The following NCAPD3 variants were observed in gnomAD, a reference collection of about 807,000 sequenced individuals.
NCAPD3 encodes the protein condensin-2 complex subunit D3.
Under a neutral mutation model 182.9 loss-of-function variants are expected in NCAPD3, and 105 were observed. The ratio of observed to expected loss-of-function variants is 0.57; its 90% confidence interval spans 0.49 to 0.68. The LOEUF (loss-of-function observed/expected upper bound fraction) is 0.68, where lower values mean the gene tolerates loss of function less well. Among genes scored for constraint, NCAPD3 ranks in the 30% least tolerant of loss-of-function variants. NCAPD3 has a pLI of 0.00. For synonymous variants in NCAPD3, 815 were observed against 679.9 expected, an observed-to-expected ratio of 1.20 and a Z score of -3.09; for missense variants, 1,944 against 1,837.0, an observed-to-expected ratio of 1.06 and a Z score of -1.07.
chr11:134,190,621 G>T (rs1944504002), intron 16 of NCAPD3, among the ~76,000 whole-genome samples: 1 of 152,142 alleles, frequency 6.6e-6, no homozygotes, highest in African/African-American at 2.4e-5. Context: ...CAAGTAGCTG[G>T]GACTACAGGC....
At chr11:134,190,178 A>G (rs1944493845) in intron 16 of NCAPD3, among the ~76,000 whole-genome samples, 1 of 152,180 alleles carries the variant, frequency 6.6e-6, no homozygotes, top group Non-Finnish European at 1.5e-5. Context: ...CTGGCTCAGA[A>G]GTTACATACG....
intron 31 of NCAPD3, 37 bp downstream of exon 31, chr11:134,157,891 A>G: frequency 6.3e-7 from 1 of 1,578,470 alleles, no homozygotes; most frequent in South Asian, 1.1e-5. Flanking sequence ...TCATCTGTAA[A>G]TGCTCTACTG....
In NCAPD3 at chr11:134,152,744, T is replaced by C; in HGVS notation, c.*200A>G. 1 of 471,884 alleles carries C rather than the reference T, an allele frequency of 2.1e-6. No homozygotes were observed. Among genetic ancestry groups the C allele is most frequent in the Non-Finnish European group, 3.7e-6 (1 of 269,632 alleles). The allele number at this position is 471,884 out of a possible 1,614,324, so 29.2% of individuals were successfully genotyped here. ...TAAGAAAATCTAAATCTGGCACATC[T>C]CTATTATTTGACAGTGTTTAACCAA... On this transcript the variant is annotated 3_prime_UTR_variant, in exon 35 of 35. Transcript: ENST00000534548.
intron 27 of NCAPD3, among the ~76,000 whole-genome samples, chr11:134,162,825 G>A (rs1362766769): frequency 1.3e-5 from 2 of 152,218 alleles, no homozygotes; most frequent in African/African-American, 4.8e-5. Flanking sequence ...AAGCATCCCT[G>A]CCCTCCAGCC....
At position 134,168,004 on chromosome 11, in the gene NCAPD3, T is replaced by G. The variant is rs1331622687; in HGVS notation, c.3565A>C (p.Ile1189Leu). ...VVMQEAQKKL[I>L]SQVQKRNFIE... ...GGGAGCAACACACTCACTTGTGAGATGAGCTTCTTCTGAGCTTCCTGCATG... is the reference window on the plus strand; with the variant it reads ...GGGAGCAACACACTCACTTGTGAGAGGAGCTTCTTCTGAGCTTCCTGCATG... The change falls in exon 27 of 35, where the codon ATC (isoleucine) becomes CTC (leucine). Residue 1189 changes from isoleucine (I) to leucine (L), a missense_variant. This residue lies in a region of NCAPD3 where 1,803 missense variants were observed against 1,674.6 expected (regional missense o/e 1.08). Coordinates refer to ENST00000534548, the MANE Select transcript of NCAPD3 (RefSeq NM_015261.3). 3 of 1,613,806 alleles carry G rather than the reference T, an allele frequency of 1.9e-6. No homozygotes were observed. Among genetic ancestry groups the G allele is most frequent in the East Asian group, 2.2e-5 (1 of 44,888 alleles).
At chr11:134,213,528 G>C (rs1937916351) in intron 3 of NCAPD3, among the ~76,000 whole-genome samples, 1 of 151,738 alleles carries the variant, frequency 6.6e-6, no homozygotes, top group Non-Finnish European at 1.5e-5. Context: ...ATGTTGGCCA[G>C]GCTGGTCTTA....
At chr11:134,161,297 GCTC>G (rs1399799889) in intron 28 of NCAPD3, among the ~76,000 whole-genome samples, 3 of 152,202 alleles carry the variant, frequency 2.0e-5, no homozygotes, top group South Asian at 4.1e-4. Context: ...CTCCGACTGA[GCTC>G]CTCATGGTCC....
Position 134,168,766 on chromosome 11 carries a change from G to T in NCAPD3, c.3239+151C>A, listed in dbSNP as rs964995283. Reference sequence around the variant, plus strand: ...GCTGCCCTTAGGAAGCGATTCTCACGACTGTATTTTCTTACGCCATCCTGC... The same window carrying T: ...GCTGCCCTTAGGAAGCGATTCTCACTACTGTATTTTCTTACGCCATCCTGC... On this transcript the variant is annotated intron_variant, in intron 25 of 34. Transcript: ENST00000534548. 29 of 1,348,894 alleles carry T rather than the reference G, an allele frequency of 2.1e-5. No homozygotes were observed. The East Asian group carries it at 5.4e-4, about 25-fold the overall frequency. 83.6% of individuals were successfully genotyped at this position (1,348,894 alleles called of 1,614,324 possible).
Position 134,202,823 on chromosome 11 carries a change from T to A in NCAPD3, c.1608A>T (p.Gly536=), listed in dbSNP as rs377269714. Residue 536 remains glycine, a synonymous_variant, in exon 13 of 35, where the codon GGA becomes GGT. Coordinates refer to ENST00000534548, the MANE Select transcript of NCAPD3 (RefSeq NM_015261.3). Reference sequence around the variant, plus strand: ...TGATAAAATCTGACATACCTCCAGATCCAACTGTTTCACCACTGCTGTCTA... The same window carrying A: ...TGATAAAATCTGACATACCTCCAGAACCAACTGTTTCACCACTGCTGTCTA... The part of the protein sequence containing the change: ...INIDSSGETV[G]SGERCVMAML... 4 of 1,603,248 alleles carry A rather than the reference T, an allele frequency of 2.5e-6. No homozygotes were observed. In the African/African-American group the frequency reaches 5.4e-5, roughly 22 times the overall value.
chr11:134,153,045 G>A lies in NCAPD3; in HGVS notation c.4396C>T (p.Gln1466Ter). Residue 1466 changes from glutamine (Q) to a stop codon, truncating the protein, a stop_gained, in exon 35 of 35, where the codon CAG (glutamine) becomes TAG (stop). Coordinates refer to ENST00000534548, the MANE Select transcript of NCAPD3 (RefSeq NM_015261.3). LOFTEE classifies it low-confidence loss of function (END_TRUNC). ...CLSLPDKPPP[Q>*]PQQWNVRSPA... ...GACCGCACATTCCACTGCTGAGGCT[G>A]TGGGGGCCTAGGGAAAGGACATGTG... 6.2e-7 allele frequency: 1 copy of A among 1,603,688 alleles called. No individual in the cohort carries two copies.
At chr11:134,180,209 G>A (rs576495262) in intron 20 of NCAPD3, among the ~76,000 whole-genome samples, 2 of 152,182 alleles carry the variant, frequency 1.3e-5, no homozygotes, top group East Asian at 1.9e-4. Context: ...TCCTGATCAC[G>A]TGCACAGTAG....
chr11:134,210,320 G>T lies in NCAPD3; in HGVS notation c.517C>A (p.Pro173Thr), dbSNP rs1206190594. ...KEQPKSSQAN[P>T]GRHRKRGKPP... ...TTTCCCCTTTTTCTATGCCTCCCGG[G>T]GTTAGCCTGAGAGCTCTTAGGCTGT... The change falls in exon 4 of 35, where the codon CCC becomes ACC. Residue 173 changes from proline (P) to threonine (T), a missense_variant. Physicochemically the swap from Pro to Thr is conservative, Grantham distance 38 (BLOSUM62 -1). Transcript: ENST00000534548. 6.2e-7 allele frequency: 1 copy of T among 1,614,090 alleles called. No homozygotes were observed. The highest frequency in any genetic ancestry group is 2.2e-5 in the East Asian group (1 of 44,872).
At chr11:134,225,213 G>A (rs762627075), upstream of NCAPD3, 22 of 1,614,080 alleles carry the variant, frequency 1.4e-5, no homozygotes, top group Middle Eastern at 1.6e-4. Context: ...CAAGACGGAG[G>A]ACGGGAAGAA....
chr11:134,159,157 CTTTCT>C (rs901226780), intron 29 of NCAPD3, among the ~76,000 whole-genome samples: 4 of 152,138 alleles, frequency 2.6e-5, no homozygotes, highest in Admixed American at 2.0e-4. Context: ...TCCTGATTTC[CTTTCT>C]TTTGACTATA....
chr11:134,169,183 A>G (rs1247263571), intron 24 of NCAPD3, 129 bp from the exon 25 acceptor site: 71 of 883,752 alleles, frequency 8.0e-5, no homozygotes, highest in Non-Finnish European at 2.2e-5. Context: ...CTATCCCAAT[A>G]AACAGTTCCC....
chr11:134,189,868 T>C (rs1944488011), intron 16 of NCAPD3, among the ~76,000 whole-genome samples: 1 of 152,198 alleles, frequency 6.6e-6, no homozygotes, highest in Non-Finnish European at 1.5e-5. Context: ...GGCCTTCTTT[T>C]TGCATTATTT....
chr11:134,164,827 TAGG>T (rs1374796096), intron 27 of NCAPD3, among the ~76,000 whole-genome samples: 3 of 142,434 alleles, frequency 2.1e-5, no homozygotes, highest in African/African-American at 8.1e-5. Flanking sequence ...GAAATGACCT[TAGG>T]GGAGCTGAAC....
chr11:134,177,265 G>A lies in NCAPD3; in HGVS notation c.2975C>T (p.Pro992Leu). 1 of 1,614,214 alleles carries A rather than the reference G, an allele frequency of 6.2e-7. No homozygotes were observed. Among genetic ancestry groups the A allele is most frequent in the Non-Finnish European group, 8.5e-7 (1 of 1,180,030 alleles). Residue 992 changes from proline to leucine, a missense_variant, in exon 23 of 35, where the codon CCA becomes CTA. Physicochemically the swap from Pro to Leu is moderately conservative, Grantham distance 98. Coordinates refer to ENST00000534548, the MANE Select transcript of NCAPD3 (RefSeq NM_015261.3). Reference protein sequence around the residue: ...NISMCLKDSDPFIRKQTLILL... With the variant: ...NISMCLKDSDLFIRKQTLILL... ...GATGAGTGTCTGCTTCCGGATGAAT[G>A]GGTCGGAATCCTTCAGACACATGGA...
chr11:134,156,504 C>G (rs756817757), intron 32 of NCAPD3, among the ~76,000 whole-genome samples: 1 of 152,202 alleles, frequency 6.6e-6, no homozygotes, highest in African/African-American at 2.4e-5. Flanking sequence ...TAACTCACCT[C>G]TGTTTTGAAA....
Sources: gnomAD v4.1 joint callset for allele counts (sites outside exome capture counted in the v4.1 genomes callset) on GRCh38, gnomAD v4.1.1 for gene constraint, gnomAD v4.1.1 regional missense constraint, MANE v1.5 for transcripts, NCBI Gene and HGNC (gene_info 2026-07-23, HGNC 2026-07-21) for gene names.